The following CSMD1 variants were observed in gnomAD, a reference collection of about 807,000 sequenced individuals.
CSMD1 encodes the protein CUB and sushi domain-containing protein 1.
CSMD1 carries 213 observed loss-of-function variants against 417.5 expected under a neutral mutation model. The observed-to-expected ratio is 0.51, with a 90% CI of 0.46 to 0.57. The LOEUF (loss-of-function observed/expected upper bound fraction) is 0.57. CSMD1 is among the 20% of genes least tolerant of loss of function. The pLI is 0.00. For missense variants in CSMD1, 6,923 were observed against 4,529.7 expected (o/e 1.53, Z -15.17); for synonymous variants, 2,862 against 1,736.8 (o/e 1.65, Z -16.11).
intron 25 of CSMD1, among the ~76,000 whole-genome samples, chr8:3,302,818 G>T (rs774079774): frequency 6.6e-6 from 1 of 152,168 alleles, no homozygotes; most frequent in Admixed American, 6.5e-5. Context: ...AATGTGAGTG[G>T]TATGGTTGGG....
intron 3 of CSMD1, among the ~76,000 whole-genome samples, chr8:4,282,688 T>G (rs112664825): frequency 4.1e-4 from 63 of 152,206 alleles, no homozygotes; most frequent in African/African-American, 1.5e-3. Context: ...GAGTTGGCTG[T>G]GACAGCATCC....
At chr8:4,731,226 C>T (rs1367117315) in intron 1 of CSMD1, among the ~76,000 whole-genome samples, 5 of 152,272 alleles carry the variant, frequency 3.3e-5, no homozygotes, top group African/African-American at 1.2e-4. Flanking sequence ...TCCTTTCCCA[C>T]TCAGCCTCCA....
At chr8:4,127,684 A>C (rs1259033177) in intron 3 of CSMD1, among the ~76,000 whole-genome samples, 2 of 152,126 alleles carry the variant, frequency 1.3e-5, no homozygotes, top group Admixed American at 1.3e-4. Flanking sequence ...GAAGATATTA[A>C]ATAATAGGCA....
intron 2 of CSMD1, among the ~76,000 whole-genome samples, chr8:4,464,568 T>C (rs886422779): frequency 1.3e-5 from 2 of 152,164 alleles, no homozygotes; most frequent in African/African-American, 4.8e-5. Context: ...GTCGTATGGG[T>C]ACTCAACGGG....
intron 3 of CSMD1, among the ~76,000 whole-genome samples, chr8:4,135,375 TG>T (rs1803364149): frequency 5.9e-5 from 1 of 16,962 alleles, no homozygotes; most frequent in African/African-American, 1.8e-4. Flanking sequence ...AAGGGGAAAG[TG>T]GGAAAGAGGG....
intron 3 of CSMD1, among the ~76,000 whole-genome samples, chr8:4,371,926 A>C (rs1484544621): frequency 6.6e-6 from 1 of 152,236 alleles, no homozygotes; most frequent in East Asian, 1.9e-4. Flanking sequence ...TCACAAGAGT[A>C]ATGATGACGA....
chr8:4,205,051 T>C lies in CSMD1; in HGVS notation c.416-172952A>G, dbSNP rs1391869704. 2.6e-5 allele frequency among the ~76,000 whole-genome samples: 4 copies of C among 152,320 alleles called. No individual in the cohort carries two copies. In the East Asian group the frequency reaches 7.7e-4, roughly 29 times the overall value. ...GCAAGAGTAATTTACCTCTATTTTTTTCATAACAATGCCACAGAGTTTACT... is the reference window on the plus strand; with the variant it reads ...GCAAGAGTAATTTACCTCTATTTTTCTCATAACAATGCCACAGAGTTTACT... On this transcript the variant is annotated intron_variant, in intron 3 of 69. Transcript: ENST00000635120.
intron 1 of CSMD1, among the ~76,000 whole-genome samples, chr8:4,777,667 T>C (rs568773212): frequency 9.2e-5 from 14 of 152,218 alleles, no homozygotes; most frequent in Admixed American, 2.6e-4. Flanking sequence ...ACAGAAGTGA[T>C]TGCAGTTTTG....
rs1563064410 is a variant in CSMD1 at position 3,772,468 on chromosome 8, CACAT to C, written c.819-18430_819-18427del. ...ATATACACATATATATACATATATA[CACAT>C]ATATATACATATATACACATATATA... On this transcript the variant is annotated intron_variant, in intron 5 of 69. Coordinates refer to ENST00000635120, the MANE Select transcript of CSMD1 (RefSeq NM_033225.6). Among the ~76,000 whole-genome samples, 6 of 65,996 alleles carry C rather than the reference CACAT, an allele frequency of 9.1e-5. 1 individual carries two copies. The highest frequency in any genetic ancestry group is 3.3e-4 in the Admixed American group (2 of 6,124). 43.3% of individuals were successfully genotyped at this position (65,996 alleles called of 152,430 possible).
intron 2 of CSMD1, among the ~76,000 whole-genome samples, chr8:4,438,829 A>G (rs1798296887): frequency 1.3e-5 from 2 of 152,232 alleles, no homozygotes; most frequent in Non-Finnish European, 2.9e-5. Context: ...CTAATTCTCA[A>G]AATTGAAAGG....
intron 7 of CSMD1, among the ~76,000 whole-genome samples, chr8:3,663,990 T>C (rs1426834612): frequency 6.6e-6 from 1 of 152,222 alleles, no homozygotes; most frequent in Admixed American, 6.5e-5. Flanking sequence ...ATTGTAAATC[T>C]TCAGCCATTG....
At chr8:4,615,776 C>T (rs1471985155) in intron 2 of CSMD1, among the ~76,000 whole-genome samples, 1 of 152,192 alleles carries the variant, frequency 6.6e-6, no homozygotes, top group Non-Finnish European at 1.5e-5. Flanking sequence ...ATTAATACTA[C>T]TTCAATACTT....
At chr8:4,972,419 G>T (rs1012104617) in intron 1 of CSMD1, among the ~76,000 whole-genome samples, 1 of 152,156 alleles carries the variant, frequency 6.6e-6, no homozygotes, top group Non-Finnish European at 1.5e-5. Flanking sequence ...GAATTCTCAT[G>T]AGATTTAATG....
intron 5 of CSMD1, among the ~76,000 whole-genome samples, chr8:3,766,860 C>G (rs1248453100): frequency 2.0e-5 from 3 of 152,074 alleles, no homozygotes; most frequent in Admixed American, 2.0e-4. Flanking sequence ...TTTCTTTTTT[C>G]TAGCAAATTT....
intron 3 of CSMD1, among the ~76,000 whole-genome samples, chr8:4,180,840 T>C (rs2131174889): frequency 6.6e-6 from 1 of 152,216 alleles, no homozygotes; most frequent in South Asian, 2.1e-4. Context: ...TAACAACAAT[T>C]ATGATATTTA....
intron 26 of CSMD1, among the ~76,000 whole-genome samples, chr8:3,252,106 G>C (rs1449036968): frequency 6.6e-6 from 1 of 152,236 alleles, no homozygotes; most frequent in Non-Finnish European, 1.5e-5. Context: ...ATGTTGAATA[G>C]TAGTGGTGAG....
chr8:3,303,660 G>C (rs927231197), intron 25 of CSMD1, among the ~76,000 whole-genome samples: 4 of 152,132 alleles, frequency 2.6e-5, no homozygotes, highest in African/African-American at 9.7e-5. Context: ...TACACATATG[G>C]TTATGTAAAA....
At chr8:4,022,184 G>GTA (rs10631130) in intron 4 of CSMD1, among the ~76,000 whole-genome samples, 24,663 of 117,894 alleles carry the variant, frequency 0.21, 2,763 homozygotes, top group African/African-American at 0.34. Flanking sequence ...ATATTTATGT[G>GTA]TATATATATA....
At chr8:4,224,573 A>G (rs1413829911) in intron 3 of CSMD1, among the ~76,000 whole-genome samples, 1 of 152,198 alleles carries the variant, frequency 6.6e-6, no homozygotes, top group African/African-American at 2.4e-5. Context: ...ACGGTGCTTC[A>G]GTGGTGCCTC....
Sources: gnomAD v4.1 joint callset for allele counts (sites outside exome capture counted in the v4.1 genomes callset) on GRCh38, gnomAD v4.1.1 for gene constraint, MANE v1.5 for transcripts, NCBI Gene and HGNC (gene_info 2026-07-23, HGNC 2026-07-21) for gene names.